Variants in GLIS3 observed in about 807,000 individuals in gnomAD.
The protein encoded by GLIS3 is zinc finger protein GLIS3.
A neutral mutation model predicts 78.6 loss-of-function variants in GLIS3; 53 were observed. The ratio of observed to expected loss-of-function variants is 0.67; its 90% CI spans 0.54 to 0.85. GLIS3 has a LOEUF of 0.85. Among genes scored for constraint, GLIS3 ranks in the 40% least tolerant of loss-of-function variants. The probability of loss-of-function intolerance (pLI) is 0.00; values close to 1 mark genes in which losing one functional copy is unlikely to be tolerated. For missense variants in GLIS3, 1,703 were observed against 1,231.1 expected (o/e 1.38, Z -5.74); for synonymous variants, 684 against 509.9 (o/e 1.34, Z -4.60).
intron 9 of GLIS3, among the ~76,000 whole-genome samples, chr9:3,846,456 G>A (rs1819049781): frequency 6.6e-6 from 1 of 152,158 alleles, no homozygotes; most frequent in South Asian, 2.1e-4. Context: ...AACAATAACA[G>A]CTGCAATGAC....
chr9:4,449,526 T>C, the GLIS3 span, among the ~76,000 whole-genome samples: 3 of 152,254 alleles, frequency 2.0e-5, no homozygotes, highest in African/African-American at 4.8e-5. Context: ...CTCAAGTGGG[T>C]CCCTGACCCC....
intron 4 of GLIS3, among the ~76,000 whole-genome samples, chr9:4,097,662 C>T (rs1830063181): frequency 1.3e-5 from 2 of 152,176 alleles, no homozygotes; most frequent in African/African-American, 4.8e-5. Context: ...ATAAAAACAA[C>T]CATCGGTATG....
At chr9:4,082,700 C>G (rs771959727) in intron 4 of GLIS3, among the ~76,000 whole-genome samples, 5 of 152,184 alleles carry the variant, frequency 3.3e-5, no homozygotes, top group Non-Finnish European at 7.4e-5. Context: ...ACCCTGAAAT[C>G]TGATTAACTT....
At chr9:4,193,795 G>C (rs1481526246) in intron 2 of GLIS3, among the ~76,000 whole-genome samples, 3 of 152,204 alleles carry the variant, frequency 2.0e-5, no homozygotes, top group African/African-American at 7.2e-5. Context: ...TAAAACTGCA[G>C]GCTGCACCGA....
intron 8 of GLIS3, among the ~76,000 whole-genome samples, chr9:3,870,446 G>T (rs112415865): frequency 6.6e-6 from 1 of 152,120 alleles, no homozygotes; most frequent in Non-Finnish European, 1.5e-5. Flanking sequence ...TTTTCATGCT[G>T]CTGTTAAAGA....
chr9:4,036,823 T>C (rs1325997230), intron 4 of GLIS3, among the ~76,000 whole-genome samples: 1 of 152,178 alleles, frequency 6.6e-6, no homozygotes, highest in Non-Finnish European at 1.5e-5. Context: ...GGAGGACTCA[T>C]TCTTGATGCC....
In GLIS3 at chr9:4,120,290, C is replaced by G. The variant is rs145144433; in HGVS notation, c.597-1409G>C. Reference sequence around the variant, plus strand: ...CATCTCAGCTCCAAAATGCACAGTACAAGGTGATAACACCATCATCAACGA... The same window carrying G: ...CATCTCAGCTCCAAAATGCACAGTAGAAGGTGATAACACCATCATCAACGA... On this transcript the variant is annotated intron_variant, in intron 3 of 10. Coordinates refer to ENST00000381971, the MANE Select transcript of GLIS3 (RefSeq NM_001042413.2). Among the ~76,000 whole-genome samples the G allele has an allele frequency of 3.8e-4, 58 of 152,300 alleles. No homozygotes were observed. The East Asian group carries it at 0.01, about 27-fold the overall frequency.
At chr9:4,096,392 C>T (rs543395630) in intron 4 of GLIS3, among the ~76,000 whole-genome samples, 22 of 152,100 alleles carry the variant, frequency 1.4e-4, no homozygotes, top group Non-Finnish European at 2.6e-4. Context: ...TTAACTCATA[C>T]GAAAAACAAA....
At chr9:4,167,385 A>C (rs1815955670) in intron 2 of GLIS3, among the ~76,000 whole-genome samples, 1 of 152,216 alleles carries the variant, frequency 6.6e-6, no homozygotes, top group Admixed American at 6.5e-5. Flanking sequence ...AACAGGAAAG[A>C]AAAATAAATA....
chr9:4,037,851 A>T (rs566405878), intron 4 of GLIS3, among the ~76,000 whole-genome samples: 38 of 152,234 alleles, frequency 2.5e-4, no homozygotes, highest in African/African-American at 8.7e-4. Context: ...ATGAACTATT[A>T]TTATGACAGC....
chr9:4,403,184 G>T, the GLIS3 span, among the ~76,000 whole-genome samples: 1 of 152,016 alleles, frequency 6.6e-6, no homozygotes, highest in Non-Finnish European at 1.5e-5. Flanking sequence ...AAATGCTGAC[G>T]GAACATAACT....
chr9:3,888,845 G>C (rs1047054224), intron 7 of GLIS3, among the ~76,000 whole-genome samples: 12 of 152,066 alleles, frequency 7.9e-5, no homozygotes, highest in African/African-American at 2.4e-4. Flanking sequence ...TTTATGTAAA[G>C]GCTTTTATCT....
chr9:3,937,610 A>C (rs1354230967), intron 4 of GLIS3, among the ~76,000 whole-genome samples: 1 of 152,238 alleles, frequency 6.6e-6, no homozygotes, highest in Non-Finnish European at 1.5e-5. Context: ...TAAGAAAAAA[A>C]AAGTCAGAGT....
At chr9:3,876,391 C>T (rs974962170) in intron 8 of GLIS3, among the ~76,000 whole-genome samples, 2 of 151,832 alleles carry the variant, frequency 1.3e-5, no homozygotes, top group African/African-American at 4.8e-5. Flanking sequence ...AAACAAAAAT[C>T]TCCAGCTATA....
At chr9:4,055,519 A>G (rs1220763751) in intron 4 of GLIS3, among the ~76,000 whole-genome samples, 1 of 152,170 alleles carries the variant, frequency 6.6e-6, no homozygotes, top group Non-Finnish European at 1.5e-5. Flanking sequence ...AGCTTAAAAT[A>G]TGTCATTACA....
intron 2 of GLIS3, among the ~76,000 whole-genome samples, chr9:4,329,500 G>A (rs1817651994): frequency 6.6e-6 from 1 of 152,008 alleles, no homozygotes; most frequent in Non-Finnish European, 1.5e-5. Context: ...CCTATAATAA[G>A]ACCACCATAA....
At chr9:4,016,785 T>C (rs1822476734) in intron 4 of GLIS3, among the ~76,000 whole-genome samples, 1 of 152,200 alleles carries the variant, frequency 6.6e-6, no homozygotes, top group Non-Finnish European at 1.5e-5. Flanking sequence ...CTGTCAGGTT[T>C]TCTCAGCTCT....
At chr9:4,420,399 T>C in the GLIS3 span, among the ~76,000 whole-genome samples, 1 of 152,190 alleles carries the variant, frequency 6.6e-6, no homozygotes, top group Admixed American at 6.5e-5. Context: ...AGAAGAAGGA[T>C]AATTAGATGA....
In GLIS3 at chr9:3,990,652, C is replaced by A. The variant is rs577533062; in HGVS notation, c.1711-53463G>T. Among the ~76,000 whole-genome samples, 33 of 152,242 alleles carry A rather than the reference C, an allele frequency of 2.2e-4. No homozygotes were observed. The South Asian group carries it at 6.6e-3, about 31-fold the overall frequency. On this transcript the variant is annotated intron_variant, in intron 4 of 10. Coordinates refer to ENST00000381971, the MANE Select transcript of GLIS3 (RefSeq NM_001042413.2). ...TCTTAAAGTTTCCCTCCAAAATAGC[C>A]CTTGCCTTCTACTATACAGAAGAGG...
Sources: gnomAD v4.1 joint callset for allele counts (sites outside exome capture counted in the v4.1 genomes callset) on GRCh38, gnomAD v4.1.1 for gene constraint, MANE v1.5 for transcripts, NCBI Gene and HGNC (gene_info 2026-07-23, HGNC 2026-07-21) for gene names.